Variants in DNAH3 observed in about 807,000 individuals in gnomAD.
DNAH3 encodes the protein axonemal beta dynein heavy chain 3.
A neutral mutation model predicts 432.5 loss-of-function variants in DNAH3; 332 were observed. That is an observed-to-expected ratio of 0.77 (90% CI 0.70 to 0.84). The LOEUF is 0.84. Ranked by LOEUF, DNAH3 falls within the 40% of genes least tolerant of loss-of-function variation. The pLI is 0.00. For missense variants in DNAH3, 4,861 were observed against 5,114.0 expected, an observed-to-expected ratio of 0.95 and a Z score of 1.51; for synonymous variants, 1,956 against 1,900.2, an observed-to-expected ratio of 1.03 and a Z score of -0.76.
chr16:20,987,374 C>G (rs775064044), exon 47 of DNAH3: 3 of 1,614,126 alleles, frequency 1.9e-6, no homozygotes, highest in Admixed American at 1.7e-5. Context: ...CCTGTCTGTC[C>G]TCCTTGTCAA....
chr16:21,051,808 C>T lies in DNAH3; in HGVS notation c.4100G>A (p.Trp1367Ter). The T allele has an allele frequency of 6.2e-7, 1 of 1,614,108 alleles. No individual in the cohort carries two copies. Among genetic ancestry groups the T allele is most frequent in the South Asian group, 1.1e-5 (1 of 91,062 alleles). ...CCAGTAGTAGCGCAGCTGTGAGATC[C>T]ATTGGAAATCATTCAGATCGGAGAC... Residue 1367 changes from tryptophan to a stop codon, truncating the protein, a stop_gained, in exon 29 of 62, where the codon TGG (tryptophan) becomes TAG (stop). Coordinates refer to ENST00000261383, the Ensembl canonical transcript of DNAH3. LOFTEE classifies it high-confidence loss of function.
chr16:20,965,831 G>A (rs1239717534), intron 52 of DNAH3, among the ~76,000 whole-genome samples: 1 of 151,834 alleles, frequency 6.6e-6, no homozygotes, highest in African/African-American at 2.4e-5. Context: ...TCCTGCCTCA[G>A]CCTCCCAAGG....
chr16:21,126,476 C>T (rs1353073410), intron 8 of DNAH3, among the ~76,000 whole-genome samples: 3 of 152,190 alleles, frequency 2.0e-5, no homozygotes, highest in South Asian at 4.1e-4. Context: ...ATTTCTCTGG[C>T]TGTGGAGGTA....
intron 52 of DNAH3, among the ~76,000 whole-genome samples, chr16:20,969,362 TTC>T (rs1334649877): frequency 6.6e-6 from 1 of 152,040 alleles, no homozygotes; most frequent in African/African-American, 2.4e-5. Context: ...TTCAGACTCT[TTC>T]TCTCTGTTCC....
Position 20,981,932 on chromosome 16 carries a change from A to G in DNAH3, c.7859+789T>C, listed in dbSNP as rs547453217. Among the ~76,000 whole-genome samples, 253 of 149,314 alleles carry G rather than the reference A, an allele frequency of 1.7e-3. 1 individual carries two copies. Among genetic ancestry groups the G allele is most frequent in the African/African-American group, 5.5e-3 (226 of 41,028 alleles). Reference sequence around the variant, plus strand: ...TTTTTTTATATATGTATGCATATATACATACATAAAGTGTATAAAGCACAT... The same window carrying G: ...TTTTTTTATATATGTATGCATATATGCATACATAAAGTGTATAAAGCACAT... On this transcript the variant is annotated intron_variant, in intron 49 of 61. Transcript: ENST00000261383.
chr16:20,957,640 C>G (rs2084621797), intron 54 of DNAH3, among the ~76,000 whole-genome samples: 2 of 151,654 alleles, frequency 1.3e-5, no homozygotes, highest in South Asian at 4.2e-4. Flanking sequence ...TGGAGAAACC[C>G]CATCTCTACT....
rs869256566 is a variant in DNAH3 at position 20,951,738 on chromosome 16, ATT to A, written c.11188+693_11188+694del. ...GCATGATCCACTGCGCCTGGCCCGT[ATT>A]TTTTTTTTTTTTTTTTTTTTTTGAG... On this transcript the variant is annotated intron_variant, in intron 56 of 61. Transcript: ENST00000261383. 7.3e-3 allele frequency among the ~76,000 whole-genome samples: 539 copies of A among 73,434 alleles called. 4 individuals carry two copies. Among genetic ancestry groups the A allele is most frequent in the African/African-American group, 0.028 (506 of 18,260 alleles). The allele number at this position is 73,434 out of a possible 152,430, so 48.2% of individuals were successfully genotyped here. A position where few individuals can be genotyped will look rare whatever the true frequency, so the allele number is the denominator to read the frequency against.
exon 43 of DNAH3, chr16:21,000,336 G>T (rs1464593357): frequency 6.2e-7 from 1 of 1,614,210 alleles, no homozygotes; most frequent in African/African-American, 1.3e-5. Context: ...TTCTGGCAGA[G>T]AAATTGATGC....
At chr16:21,050,545 A>T (rs2089911335) in intron 29 of DNAH3, among the ~76,000 whole-genome samples, 1 of 152,020 alleles carries the variant, frequency 6.6e-6, no homozygotes, top group African/African-American at 2.4e-5. Flanking sequence ...CCCAAGTGAT[A>T]CTCCCATCTC....
At chr16:21,049,502 T>G in intron 31 of DNAH3, 67 bp downstream of exon 31, 1 of 1,269,004 alleles carries the variant, frequency 7.9e-7, no homozygotes, top group Non-Finnish European at 1.2e-6. Flanking sequence ...TATTAAGGGG[T>G]GCAGAGCCAA....
intron 53 of DNAH3, among the ~76,000 whole-genome samples, 163 bp from the exon 54 acceptor site, chr16:20,959,567 G>A (rs2084720387): frequency 6.7e-6 from 1 of 150,160 alleles, no homozygotes; most frequent in Non-Finnish European, 1.5e-5. Context: ...CTCAGGAGTT[G>A]GAGACCAGCC....
At chr16:21,026,199 A>G (rs78919692) in intron 38 of DNAH3, among the ~76,000 whole-genome samples, 1,711 of 152,262 alleles carry the variant, frequency 0.011, 31 homozygotes, top group African/African-American at 0.039. Flanking sequence ...CGGAGATTCA[A>G]CTTTAGGAGA....
chr16:21,027,158 G>C, intron 37 of DNAH3, 31 bp from the exon 38 acceptor site: 1 of 1,523,794 alleles, frequency 6.6e-7, no homozygotes, highest in Non-Finnish European at 9.1e-7. Context: ...GTAGCAGACA[G>C]GGGAAAGGCT....
intron 55 of DNAH3, among the ~76,000 whole-genome samples, chr16:20,953,112 G>A (rs534081406): frequency 3.3e-5 from 5 of 152,154 alleles, no homozygotes; most frequent in Admixed American, 1.3e-4. Flanking sequence ...GTGCTCAATA[G>A]GGAAGTTTTT....
intron 52 of DNAH3, among the ~76,000 whole-genome samples, chr16:20,966,714 C>T (rs555525171): frequency 2.0e-5 from 3 of 152,214 alleles, no homozygotes; most frequent in South Asian, 2.1e-4. Context: ...AGCCACAGCC[C>T]GTGGGGATGA....
At chr16:20,990,081 G>T (rs1301545746) in intron 44 of DNAH3, among the ~76,000 whole-genome samples, 1 of 152,218 alleles carries the variant, frequency 6.6e-6, no homozygotes, top group Admixed American at 6.5e-5. Context: ...GCCCAGAAAG[G>T]GGCTCCCATA....
At position 21,136,457 on chromosome 16, in the gene DNAH3, C is replaced by CTG. The variant is rs1567855714; in HGVS notation, c.752_753insCA (p.Glu251AspfsTer5). The CTG allele has an allele frequency of 6.2e-7, 1 of 1,614,180 alleles. No homozygotes were observed. Among genetic ancestry groups the CTG allele is most frequent in the Admixed American group, 1.7e-5 (1 of 60,012 alleles). On this transcript the variant is annotated frameshift_variant, in exon 6 of 62. Coordinates refer to ENST00000261383, the Ensembl canonical transcript of DNAH3. LOFTEE classifies it high-confidence loss of function. ...TTGAAATCCGAACCATCACTTCACC[C>CTG]TCCTCAGGGGCAATCATGTCTTTGC...
intron 18 of DNAH3, among the ~76,000 whole-genome samples, chr16:21,092,029 C>A (rs780224686): frequency 5.9e-5 from 9 of 152,090 alleles, no homozygotes; most frequent in Non-Finnish European, 1.3e-4. Flanking sequence ...TGTTAAGATG[C>A]CAGTTCTTCC....
exon 53 of DNAH3, chr16:20,965,318 T>C: frequency 6.2e-7 from 1 of 1,611,988 alleles, no homozygotes; most frequent in South Asian, 1.1e-5. Context: ...ATCCGCTTCA[T>C]GGTCAGTGGG....
Sources: gnomAD v4.1 joint callset for allele counts (sites outside exome capture counted in the v4.1 genomes callset) on GRCh38, gnomAD v4.1.1 for gene constraint, MANE v1.5 for transcripts, NCBI Gene and HGNC (gene_info 2026-07-23, HGNC 2026-07-21) for gene names.